The following GRK5 variants were observed in gnomAD, a reference collection of about 807,000 sequenced individuals.
GRK5 encodes G protein-coupled receptor kinase 5, also known as g protein-coupled receptor kinase GRK5.
A neutral mutation model predicts 78.4 loss-of-function variants in GRK5; 40 were observed. The ratio of observed to expected loss-of-function variants is 0.51; its 90% CI spans 0.40 to 0.66. GRK5 has a LOEUF of 0.66. Ranked by LOEUF, GRK5 falls within the 30% of genes least tolerant of loss-of-function variation. The probability of loss-of-function intolerance (pLI) is 0.00; values close to 1 mark genes in which losing one functional copy is unlikely to be tolerated. For missense variants in GRK5, 598 were observed against 759.9 expected (o/e 0.79, Z 2.50); for synonymous variants, 289 against 296.8 (o/e 0.97, Z 0.27).
intron 1 of GRK5, among the ~76,000 whole-genome samples, chr10:119,314,740 TG>T (rs546599724): frequency 3.3e-5 from 5 of 152,318 alleles, no homozygotes; most frequent in African/African-American, 1.2e-4. Flanking sequence ...GGATAGTTAC[TG>T]GGAGCAGTCT....
intron 5 of GRK5, 30 bp downstream of exon 5, chr10:119,423,296 C>T (rs758011769): frequency 4.0e-6 from 6 of 1,494,784 alleles, no homozygotes; most frequent in Non-Finnish European, 5.6e-6. Context: ...GGCCTGTCCT[C>T]CCCGGGCTGC....
chr10:119,359,903 G>A (rs1564904386), intron 2 of GRK5, among the ~76,000 whole-genome samples: 2 of 152,132 alleles, frequency 1.3e-5, no homozygotes, highest in Non-Finnish European at 2.9e-5. Flanking sequence ...AGGTCGTAGT[G>A]GGTACCTGGC....
intron 2 of GRK5, among the ~76,000 whole-genome samples, chr10:119,330,768 C>T (rs1473486126): frequency 2.0e-5 from 3 of 152,148 alleles, no homozygotes; most frequent in African/African-American, 4.8e-5. Flanking sequence ...TGCCTGTAAT[C>T]CCAGCACTTT....
intron 1 of GRK5, among the ~76,000 whole-genome samples, chr10:119,306,472 C>T (rs1850273578): frequency 6.6e-6 from 1 of 152,120 alleles, no homozygotes; most frequent in Non-Finnish European, 1.5e-5. Context: ...AGCCACTGAG[C>T]CATTCCAGGT....
At chr10:119,395,243 A>G (rs921026920) in intron 3 of GRK5, among the ~76,000 whole-genome samples, 2 of 152,216 alleles carry the variant, frequency 1.3e-5, no homozygotes, top group African/African-American at 4.8e-5. Flanking sequence ...CATGGGAGAA[A>G]ATCATTGGAT....
chr10:119,420,908 C>T (rs1429564093), intron 4 of GRK5, among the ~76,000 whole-genome samples: 1 of 152,186 alleles, frequency 6.6e-6, no homozygotes, highest in African/African-American at 2.4e-5. Flanking sequence ...TTTAATTCTA[C>T]CCCTGCCCAG....
intron 1 of GRK5, among the ~76,000 whole-genome samples, chr10:119,309,055 T>C (rs191255620): frequency 9.7e-4 from 148 of 152,300 alleles, no homozygotes; most frequent in African/African-American, 3.2e-3. Context: ...TGAGCCTAGA[T>C]GGAAACTGGG....
In GRK5 at chr10:119,332,782, C is replaced by T. The variant is rs550093829; in HGVS notation, c.148+6171C>T. Among the ~76,000 whole-genome samples the T allele has an allele frequency of 2.6e-5, 4 of 152,296 alleles. No individual in the cohort carries two copies. The East Asian group carries it at 7.7e-4, about 29-fold the overall frequency. ...GAATAACACACGCTTGTCTCCAGCC[C>T]AGAGCCTTTGCACCTGTTCTCTCTA... On this transcript the variant is annotated intron_variant, in intron 2 of 15. Coordinates refer to ENST00000392870, the MANE Select transcript of GRK5 (RefSeq NM_005308.3).
chr10:119,386,831 G>A (rs567595440), intron 3 of GRK5, among the ~76,000 whole-genome samples: 16 of 152,314 alleles, frequency 1.1e-4, no homozygotes, highest in Admixed American at 9.1e-4. Context: ...GAGGGAGGAG[G>A]TGGCGGGGTC....
At chr10:119,312,112 C>T (rs1422740322) in intron 1 of GRK5, among the ~76,000 whole-genome samples, 5 of 152,174 alleles carry the variant, frequency 3.3e-5, no homozygotes, top group East Asian at 3.9e-4. Context: ...GGGGTTTCAC[C>T]GTGTTAGCCA....
chr10:119,416,696 C>T (rs1469590985), intron 4 of GRK5, among the ~76,000 whole-genome samples: 2 of 152,026 alleles, frequency 1.3e-5, no homozygotes, highest in Non-Finnish European at 2.9e-5. Flanking sequence ...TGGGTTCAAG[C>T]GATTCTCGTG....
At chr10:119,312,939 A>ATGG (rs111402523) in intron 1 of GRK5, among the ~76,000 whole-genome samples, 2 of 105,950 alleles carry the variant, frequency 1.9e-5, no homozygotes, top group African/African-American at 3.3e-5. Flanking sequence ...GGTGGTAGTG[A>ATGG]TGGTGGTAAT....
Position 119,363,537 on chromosome 10 carries a change from A to G in GRK5, c.149-17278A>G, listed in dbSNP as rs1197296838. ...CAAGGTGGAAGCCGGTTTGTCCCTC[A>G]TGGAACAGTGCTGGGGTTGGGGTCT... On this transcript the variant is annotated intron_variant, in intron 2 of 15. Transcript: ENST00000392870. Among the ~76,000 whole-genome samples, 48 of 152,232 alleles carry G rather than the reference A, an allele frequency of 3.2e-4. 2 individuals carry two copies. The highest frequency in any genetic ancestry group is 3.1e-3 in the Admixed American group (48 of 15,288).
intron 1 of GRK5, among the ~76,000 whole-genome samples, chr10:119,293,051 C>T (rs920100624): frequency 6.6e-6 from 1 of 152,142 alleles, no homozygotes; most frequent in Non-Finnish European, 1.5e-5. Context: ...TATTCTGGAG[C>T]CGTATGAACA....
At chr10:119,223,592 C>A (rs1001537141) in intron 1 of GRK5, among the ~76,000 whole-genome samples, 1 of 152,016 alleles carries the variant, frequency 6.6e-6, no homozygotes, top group African/African-American at 2.4e-5. Context: ...TCTGCAGGTT[C>A]CCTGGCAGTT....
At chr10:119,347,050 G>A (rs191097323) in intron 2 of GRK5, among the ~76,000 whole-genome samples, 15 of 152,302 alleles carry the variant, frequency 9.8e-5, no homozygotes, top group Admixed American at 9.8e-4. Context: ...AGACTGCTCA[G>A]TCCTGAGGGC....
At chr10:119,315,076 G>A (rs1034568574) in intron 1 of GRK5, among the ~76,000 whole-genome samples, 25 of 152,202 alleles carry the variant, frequency 1.6e-4, no homozygotes, top group African/African-American at 5.1e-4. Context: ...TGACAGAAGC[G>A]GCTCTGCGCC....
Position 119,430,472 on chromosome 10 carries a change from C to T in GRK5, c.597+34C>T. 1 of 1,580,168 alleles carries T rather than the reference C, an allele frequency of 6.3e-7. No homozygotes were observed. The highest frequency in any genetic ancestry group is 8.7e-7 in the Non-Finnish European group (1 of 1,151,102). ...ACATTCACGTTTTTAATTGAAAGTT[C>T]TTACATTCAAGTCACCTTTCCTGTC... is the stretch of plus-strand genomic sequence containing the variant. On this transcript the variant is annotated intron_variant, in intron 7 of 15. Coordinates refer to ENST00000392870, the MANE Select transcript of GRK5 (RefSeq NM_005308.3). This position sits in a 1 kb window ranked among gnomAD's most constrained non-coding sequence, Gnocchi z 4.5.
At position 119,431,549 on chromosome 10, in the gene GRK5, G is replaced by C; in HGVS notation, c.738+22G>C. 6.2e-7 allele frequency: 1 copy of C among 1,608,308 alleles called. No individual in the cohort carries two copies. The highest frequency in any genetic ancestry group is 1.1e-5 in the South Asian group (1 of 90,290). On this transcript the variant is annotated intron_variant, in intron 8 of 15. Transcript: ENST00000392870. This position sits in a 1 kb window ranked among gnomAD's most constrained non-coding sequence, Gnocchi z 4.8. ...TGTGGTGAGTGAGCATCTGGGCCCAGTGACCGGCTCGCCCTTCTGTGGACT... is the reference window on the plus strand; with the variant it reads ...TGTGGTGAGTGAGCATCTGGGCCCACTGACCGGCTCGCCCTTCTGTGGACT...
Sources: gnomAD v4.1 joint callset for allele counts (sites outside exome capture counted in the v4.1 genomes callset) on GRCh38, gnomAD v4.1.1 for gene constraint, Gnocchi (gnomAD v3.1) non-coding constraint, MANE v1.5 for transcripts, NCBI Gene and HGNC (gene_info 2026-07-23, HGNC 2026-07-21) for gene names.